CEP83: variants seen among roughly 807,000 people sequenced by gnomAD.
CEP83 encodes the protein centrosomal protein 83, also known as centrosomal protein of 83 kDa.
CEP83 carries 70 observed loss-of-function variants against 101.9 expected under a neutral mutation model. The ratio of observed to expected loss-of-function variants is 0.69; its 90% CI spans 0.57 to 0.84. CEP83 has a LOEUF of 0.84. Among genes scored for constraint, CEP83 ranks in the 40% least tolerant of loss-of-function variants. The pLI is 0.00. For missense variants in CEP83, 715 were observed against 787.2 expected, an observed-to-expected ratio of 0.91 and a Z score of 1.10; for synonymous variants, 264 against 267.9, an observed-to-expected ratio of 0.99 and a Z score of 0.14.
intron 13 of CEP83, among the ~76,000 whole-genome samples, chr12:94,333,039 TA>T (rs1178359575): frequency 2.2e-5 from 1 of 45,218 alleles, no homozygotes; most frequent in Non-Finnish European, 5.1e-5. Flanking sequence ...TAACAAATTT[TA>T]AGACCAAAAA....
At chr12:94,376,372 A>G (rs1454885576) in intron 7 of CEP83, among the ~76,000 whole-genome samples, 1 of 152,132 alleles carries the variant, frequency 6.6e-6, no homozygotes, top group Admixed American at 6.6e-5. Flanking sequence ...TCTATAACAG[A>G]TAAGAAAAAG....
chr12:94,324,126 T>C (rs1419590705), intron 14 of CEP83, among the ~76,000 whole-genome samples: 3 of 152,236 alleles, frequency 2.0e-5, no homozygotes, highest in Admixed American at 6.5e-5. Flanking sequence ...TTTCTTATAT[T>C]GATTCTATCA....
chr12:94,333,374 T>C (rs1348512803), intron 13 of CEP83, 108 bp downstream of exon 13: 4 of 936,628 alleles, frequency 4.3e-6, no homozygotes, highest in Admixed American at 2.7e-5. Flanking sequence ...TTAAAGTGTA[T>C]TTGTAACTAG....
At chr12:94,318,710 A>G (rs531877755) in intron 14 of CEP83, among the ~76,000 whole-genome samples, 1 of 152,334 alleles carries the variant, frequency 6.6e-6, no homozygotes, top group African/African-American at 2.4e-5. Flanking sequence ...GTGATGAATC[A>G]CATTTATTGA....
intron 2 of CEP83, among the ~76,000 whole-genome samples, chr12:94,433,756 C>A (rs897653039): frequency 6.6e-6 from 1 of 151,496 alleles, no homozygotes; most frequent in African/African-American, 2.4e-5. Context: ...GATACCTATA[C>A]CCATCCCCCA....
downstream of CEP83, chr12:94,303,749 T>TTC (rs1555213097): frequency 5.8e-4 from 786 of 1,343,972 alleles, 3 homozygotes; most frequent in Non-Finnish European, 6.5e-4. Flanking sequence ...TTTTTTTTTT[T>TTC]CCCCAGGAAG....
At position 94,410,742 on chromosome 12, in the gene CEP83, C is replaced by T. The variant is rs143003696; in HGVS notation, c.324+955G>A. Among the ~76,000 whole-genome samples the T allele has an allele frequency of 2.4e-3, 360 of 152,236 alleles. 1 individual carries two copies. Among genetic ancestry groups the T allele is most frequent in the African/African-American group, 8.0e-3 (334 of 41,550 alleles). On this transcript the variant is annotated intron_variant, in intron 4 of 16. Coordinates refer to ENST00000397809, the MANE Select transcript of CEP83 (RefSeq NM_016122.3). ...CAGGCTTAAATTACATTTCCCTCTT[C>T]GATTTACATTTCTGAGGTTTATATT...
intron 6 of CEP83, among the ~76,000 whole-genome samples, chr12:94,396,625 C>T (rs887551082): frequency 6.6e-5 from 10 of 152,062 alleles, no homozygotes; most frequent in African/African-American, 2.4e-4. Flanking sequence ...TATGTTCTTT[C>T]ACATATTATT....
chr12:94,431,598 A>G (rs1175344430), intron 2 of CEP83, among the ~76,000 whole-genome samples: 1 of 151,666 alleles, frequency 6.6e-6, no homozygotes, highest in African/African-American at 2.4e-5. Flanking sequence ...TTAACGGTAA[A>G]AAAAAAAAAG....
intron 14 of CEP83, among the ~76,000 whole-genome samples, chr12:94,313,362 A>T (rs892050646): frequency 6.6e-6 from 1 of 152,028 alleles, no homozygotes; most frequent in African/African-American, 2.4e-5. Context: ...ATTGTTCCAG[A>T]AGATAGCATG....
chr12:94,434,961 TCAACCTGTATAAAGCATTATA>T (rs2065889774), intron 2 of CEP83, among the ~76,000 whole-genome samples: 1 of 152,230 alleles, frequency 6.6e-6, no homozygotes, highest in South Asian at 2.1e-4. Context: ...TTAGGGATCC[TCAACCTGTATAAAGCATTATA>T]CTAGTCCCTT....
intron 14 of CEP83, among the ~76,000 whole-genome samples, chr12:94,324,880 C>A (rs180704117): frequency 5.9e-5 from 9 of 152,278 alleles, no homozygotes; most frequent in Non-Finnish European, 1.0e-4. Flanking sequence ...TCAAAAACCT[C>A]CAGTGTGTTC....
chr12:94,425,588 G>A (rs564355480), intron 2 of CEP83, among the ~76,000 whole-genome samples: 52 of 152,168 alleles, frequency 3.4e-4, no homozygotes, highest in African/African-American at 4.6e-4. Context: ...CCCATCTGTC[G>A]TGTGGGTAAT....
intron 7 of CEP83, among the ~76,000 whole-genome samples, chr12:94,376,628 G>A (rs2061550086): frequency 6.7e-6 from 1 of 150,120 alleles, no homozygotes; most frequent in Admixed American, 6.7e-5. Flanking sequence ...TTTCATGAGG[G>A]GAGGGAAACT....
At chr12:94,282,658 A>C in the CEP83 span, 1 of 318,706 alleles carries the variant, frequency 3.1e-6, no homozygotes, top group Non-Finnish European at 5.8e-6. Context: ...GAGGTTCAGC[A>C]GAAAAGAACC....
chr12:94,315,594 C>T (rs1420169928), intron 14 of CEP83, among the ~76,000 whole-genome samples: 1 of 152,002 alleles, frequency 6.6e-6, no homozygotes, highest in Non-Finnish European at 1.5e-5. Flanking sequence ...AAATCAATTA[C>T]ATCAATCATG....
intron 2 of CEP83, among the ~76,000 whole-genome samples, chr12:94,415,667 C>T (rs1189168489): frequency 3.5e-5 from 5 of 144,012 alleles, no homozygotes; most frequent in Non-Finnish European, 7.6e-5. Context: ...TTTAAATTTA[C>T]ATGCACTTAC....
At chr12:94,368,225 T>A in intron 9 of CEP83, 24 bp from the exon 10 acceptor site, 1 of 1,582,070 alleles carries the variant, frequency 6.3e-7, no homozygotes, top group Non-Finnish European at 8.6e-7. Context: ...AGGAGAAAAG[T>A]GTACTATATT....
chr12:94,412,692 T>TC (rs1491552967), intron 2 of CEP83, 101 bp from the exon 3 acceptor site: 9 of 340,802 alleles, frequency 2.6e-5, no homozygotes, highest in African/African-American at 8.6e-5. Flanking sequence ...CTTTTTTTTT[T>TC]CTTTTTTTTT....
Sources: allele counts gnomAD v4.1 joint callset (sites outside exome capture counted in the v4.1 genomes callset), GRCh38; gene constraint gnomAD v4.1.1; transcripts MANE v1.5; gene names NCBI Gene and HGNC (gene_info 2026-07-23, HGNC 2026-07-21).